Variants in GTF2A1 observed in about 807,000 individuals in gnomAD.
GTF2A1 encodes the protein transcription initiation factor IIA subunit 1.
A neutral mutation model predicts 54.1 loss-of-function variants in GTF2A1; 12 were observed. The observed-to-expected ratio is 0.22, with a 90% CI of 0.14 to 0.36. The LOEUF is 0.36. Ranked by LOEUF, GTF2A1 falls within the 10% of genes least tolerant of loss-of-function variation. The pLI is 1.00. For missense variants in GTF2A1, 335 were observed against 442.2 expected (o/e 0.76, Z 2.17); for synonymous variants, 145 against 152.0 (o/e 0.95, Z 0.34).
chr14:81,216,445 C>T lies in GTF2A1; in HGVS notation c.100G>A (p.Val34Met). ...AGTTCCATCAGTACTTGTTCATCCACTCCATCATCCAGAAAGATGTCTCTC... is the reference window on the plus strand; with the variant it reads ...AGTTCCATCAGTACTTGTTCATCCATTCCATCATCCAGAAAGATGTCTCTC... ...DVRDIFLDDG[V>M]DEQVLMELKT... Residue 34 changes from valine (V) to methionine (M), a missense_variant, in exon 2 of 9, where the codon GTG (valine) becomes ATG (methionine). By Grantham distance (21) the Val-to-Met change is conservative (BLOSUM62 1). This residue lies in a region of GTF2A1 where 306 missense variants were observed against 360.4 expected (regional missense o/e 0.85). Coordinates refer to ENST00000553612, the MANE Select transcript of GTF2A1 (RefSeq NM_015859.4). The T allele has an allele frequency of 6.6e-7, 1 of 1,514,146 alleles. No homozygotes were observed. Among genetic ancestry groups the T allele is most frequent in the Non-Finnish European group, 9.2e-7 (1 of 1,089,210 alleles). 93.8% of individuals were successfully genotyped at this position (1,514,146 alleles called of 1,614,324 possible).
rs1893113857 is a variant in GTF2A1, at chr14:81,201,660, T to A, written c.338-2A>T. 1.9e-6 allele frequency: 3 copies of A among 1,606,186 alleles called. No homozygotes were observed. The highest frequency in any genetic ancestry group is 2.6e-6 in the Non-Finnish European group (3 of 1,172,938). On this transcript the variant is annotated splice_acceptor_variant, in intron 3 of 8. Coordinates refer to ENST00000553612, the MANE Select transcript of GTF2A1 (RefSeq NM_015859.4). LOFTEE classifies it high-confidence loss of function. ...GAACAATAACTTGTGGTGCTGTGGC[T>A]ACAAAAAAACAAGCGAACATGCAAA...
chr14:81,217,303 A>G (rs1004947741), intron 1 of GTF2A1, among the ~76,000 whole-genome samples: 37 of 152,228 alleles, frequency 2.4e-4, no homozygotes, highest in African/African-American at 8.4e-4. Context: ...AGTATAAAAT[A>G]TTTTTTAAAA....
chr14:81,176,197 A>G lies in GTF2A1; in HGVS notation c.*4026T>C, dbSNP rs535511981. ...TTTGCAAAGTAGAATATTAAACTTA[A>G]AATAGGTCTTAGTACATCAAAATAC... On this transcript the variant is annotated 3_prime_UTR_variant, in exon 9 of 9. Transcript: ENST00000553612. 6.6e-6 allele frequency: 1 copy of G among 152,298 alleles called. No homozygotes were observed. The highest frequency in any genetic ancestry group is 2.1e-4 in the South Asian group (1 of 4,834). 9.4% of individuals were successfully genotyped at this position (152,298 alleles called of 1,614,324 possible).
At chr14:81,211,875 T>TTATATATATATATATATATA (rs757044041) in intron 2 of GTF2A1, among the ~76,000 whole-genome samples, 908 of 67,756 alleles carry the variant, frequency 0.013, 29 homozygotes, top group Non-Finnish European at 0.02. Context: ...ATCAAGTACT[T>TTATATATATATATATATATA]TATATATATA....
chr14:81,181,509 A>C (rs1174164264), intron 8 of GTF2A1, among the ~76,000 whole-genome samples: 1 of 152,144 alleles, frequency 6.6e-6, no homozygotes, highest in Non-Finnish European at 1.5e-5. Context: ...GTTTCATATA[A>C]TAATGCAGAA....
chr14:81,191,481 T>C (rs754508751), intron 7 of GTF2A1, among the ~76,000 whole-genome samples: 19 of 152,304 alleles, frequency 1.2e-4, no homozygotes, highest in Non-Finnish European at 1.8e-4. Flanking sequence ...AAAATAATTA[T>C]AGCTATATGC....
At chr14:81,181,665 C>T (rs1162204069) in intron 8 of GTF2A1, among the ~76,000 whole-genome samples, 1 of 152,154 alleles carries the variant, frequency 6.6e-6, no homozygotes, top group Non-Finnish European at 1.5e-5. Flanking sequence ...CTGCCTCAGC[C>T]TCCTGAGTAG....
rs1264968770 is a variant in GTF2A1, at chr14:81,177,511, T to C, written c.*2712A>G. 6.6e-6 allele frequency: 1 copy of C among 152,170 alleles called. No individual in the cohort carries two copies. The highest frequency in any genetic ancestry group is 2.4e-5 in the African/African-American group (1 of 41,468). The allele number at this position is 152,170 out of a possible 1,614,324, so 9.4% of individuals were successfully genotyped here. A position where few individuals can be genotyped will look rare whatever the true frequency, so the allele number is the denominator to read the frequency against. On this transcript the variant is annotated 3_prime_UTR_variant, in exon 9 of 9. Coordinates refer to ENST00000553612, the MANE Select transcript of GTF2A1 (RefSeq NM_015859.4). ...TTCCATGTTTTATCTTGTAATTTTG[T>C]GTAAATTTTCCTTAGCACTGTTGAT...
intron 6 of GTF2A1, among the ~76,000 whole-genome samples, chr14:81,194,722 G>C (rs1266744235): frequency 6.6e-6 from 1 of 152,146 alleles, no homozygotes; most frequent in African/African-American, 2.4e-5. Context: ...AAATAACTGG[G>C]AGCATGGCAA....
chr14:81,213,512 T>A (rs965570435), intron 2 of GTF2A1, among the ~76,000 whole-genome samples: 5 of 152,148 alleles, frequency 3.3e-5, no homozygotes, highest in African/African-American at 9.7e-5. Context: ...AAATGCTGCA[T>A]CTTCTATACA....
chr14:81,186,959 CA>C (rs56717903), intron 7 of GTF2A1, among the ~76,000 whole-genome samples: 59,312 of 144,840 alleles, frequency 0.41, 13,753 homozygotes, highest in Middle Eastern at 0.56. Flanking sequence ...ACAATAAGAA[CA>C]AAAAAAAAAA....
intron 4 of GTF2A1, among the ~76,000 whole-genome samples, chr14:81,200,980 AC>A (rs1893096120): frequency 6.6e-6 from 1 of 152,052 alleles, no homozygotes; most frequent in Non-Finnish European, 1.5e-5. Flanking sequence ...GTTAACCTAT[AC>A]TACATTTGTT....
chr14:81,195,980 T>C (rs1358806908), intron 6 of GTF2A1, 128 bp downstream of exon 6: 2 of 760,016 alleles, frequency 2.6e-6, no homozygotes, highest in African/African-American at 1.7e-5. Flanking sequence ...ACAGGAGAAA[T>C]TTGAAACAAC....
chr14:81,214,341 G>A (rs1040493216), intron 2 of GTF2A1, among the ~76,000 whole-genome samples: 3 of 152,066 alleles, frequency 2.0e-5, no homozygotes, highest in Admixed American at 6.6e-5. Flanking sequence ...ATCTCAGGAC[G>A]ATTTATCAAA....
chr14:81,182,129 C>T (rs796475050), intron 8 of GTF2A1, among the ~76,000 whole-genome samples: 3 of 152,000 alleles, frequency 2.0e-5, no homozygotes, highest in Non-Finnish European at 4.4e-5. Flanking sequence ...AATCAAACAA[C>T]CTTCATCTTA....
intron 3 of GTF2A1, among the ~76,000 whole-genome samples, chr14:81,202,160 C>T (rs1893126830): frequency 6.6e-6 from 1 of 151,976 alleles, no homozygotes; most frequent in South Asian, 2.1e-4. Context: ...CCTAAGGATG[C>T]AAGGGAATTT....
At chr14:81,204,306 T>G (rs753430202) in intron 2 of GTF2A1, 1 of 718,680 alleles carries the variant, frequency 1.4e-6, no homozygotes, top group South Asian at 1.5e-5. Context: ...TTTTGCCACA[T>G]CAGAGTACTG....
intron 6 of GTF2A1, among the ~76,000 whole-genome samples, chr14:81,195,790 C>T (rs901619443): frequency 4.6e-5 from 7 of 151,962 alleles, no homozygotes; most frequent in Admixed American, 2.6e-4. Flanking sequence ...TCCTAAATCC[C>T]CTGACCCTTG....
At chr14:81,213,990 G>A (rs1050445131) in intron 2 of GTF2A1, among the ~76,000 whole-genome samples, 10 of 151,706 alleles carry the variant, frequency 6.6e-5, no homozygotes, top group East Asian at 5.8e-4. Context: ...TTACAGGCAC[G>A]CACCACCATG....
Sources: allele counts gnomAD v4.1 joint callset (sites outside exome capture counted in the v4.1 genomes callset), GRCh38; gene constraint gnomAD v4.1.1; regional missense constraint gnomAD v4.1.1; transcripts MANE v1.5; gene names NCBI Gene and HGNC (gene_info 2026-07-23, HGNC 2026-07-21).